ATP9B: variants seen among roughly 807,000 people sequenced by gnomAD.
ATP9B encodes the protein probable phospholipid-transporting ATPase IIB.
In ATP9B, 110 loss-of-function variants were observed where a neutral mutation model predicts 146.1. The ratio of observed to expected loss-of-function variants is 0.75; its 90% confidence interval spans 0.65 to 0.88. ATP9B has a LOEUF of 0.88. Among genes scored for constraint, ATP9B ranks in the 40% least tolerant of loss-of-function variants. ATP9B has a pLI of 0.00. For missense variants in ATP9B, 1,499 were observed against 1,496.4 expected, an observed-to-expected ratio of 1.00 and a Z score of -0.03; for synonymous variants, 604 against 569.7, an observed-to-expected ratio of 1.06 and a Z score of -0.86.
At chr18:79,333,375 C>T (rs574379877) in intron 17 of ATP9B, among the ~76,000 whole-genome samples, 38 of 152,344 alleles carry the variant, frequency 2.5e-4, no homozygotes, top group Middle Eastern at 6.8e-3. Flanking sequence ...GTTCTTCTCC[C>T]TGCCATGCAG....
intron 25 of ATP9B, among the ~76,000 whole-genome samples, chr18:79,352,106 C>A (rs1373938387): frequency 6.6e-6 from 1 of 152,212 alleles, no homozygotes; most frequent in African/African-American, 2.4e-5. Context: ...CTAGTCTGAA[C>A]TGGCCAGAGG....
intron 1 of ATP9B, among the ~76,000 whole-genome samples, chr18:79,083,768 G>A (rs1189359039): frequency 6.6e-6 from 1 of 152,108 alleles, no homozygotes; most frequent in Non-Finnish European, 1.5e-5. Context: ...AGTGAGATGA[G>A]CTGGGTACCT....
chr18:79,222,933 A>G (rs2095694683), intron 11 of ATP9B, among the ~76,000 whole-genome samples: 3 of 152,248 alleles, frequency 2.0e-5, no homozygotes, highest in Admixed American at 6.5e-5. Flanking sequence ...GTTAAGGAAA[A>G]ATCAATTGTG....
intron 1 of ATP9B, among the ~76,000 whole-genome samples, chr18:79,072,741 C>T (rs886116971): frequency 2.3e-5 from 2 of 86,912 alleles, no homozygotes; most frequent in African/African-American, 3.9e-5. Flanking sequence ...TGGGCGGGGG[C>T]GCCCCCCACC....
intron 5 of ATP9B, among the ~76,000 whole-genome samples, chr18:79,137,201 AGTTTTCATAGCT>A (rs1432926593): frequency 6.6e-6 from 1 of 152,134 alleles, no homozygotes; most frequent in Non-Finnish European, 1.5e-5. Flanking sequence ...CTGGGAATAC[AGTTTTCATAGCT>A]GTTTTCATGT....
intron 1 of ATP9B, chr18:79,085,342 A>G (rs779889847): frequency 3.3e-5 from 5 of 152,222 alleles, no homozygotes; most frequent in African/African-American, 4.8e-5. Context: ...TTTGCAGGGG[A>G]CACACATCCA....
At chr18:79,245,626 G>A (rs73973028) in intron 11 of ATP9B, among the ~76,000 whole-genome samples, 175 of 98,446 alleles carry the variant, frequency 1.8e-3, no homozygotes, top group South Asian at 3.6e-3. Context: ...CTACTGACTG[G>A]GGAGGGTACC....
chr18:79,224,925 A>G (rs1402776824), intron 11 of ATP9B, among the ~76,000 whole-genome samples: 1 of 152,176 alleles, frequency 6.6e-6, no homozygotes, highest in Non-Finnish European at 1.5e-5. Context: ...CTGGGAGAAA[A>G]GGGCGACCTG....
intron 17 of ATP9B, among the ~76,000 whole-genome samples, chr18:79,331,898 T>C (rs1020268263): frequency 3.3e-5 from 5 of 152,122 alleles, no homozygotes; most frequent in African/African-American, 9.7e-5. Context: ...GACATTGTAT[T>C]GTAAAGGAAA....
chr18:79,170,158 CG>C (rs2095048363), intron 7 of ATP9B, among the ~76,000 whole-genome samples: 1 of 152,158 alleles, frequency 6.6e-6, no homozygotes, highest in African/African-American at 2.4e-5. Flanking sequence ...GAGCTGCAGC[CG>C]GCCGGTAACT....
chr18:79,132,142 A>G (rs2094386938), intron 5 of ATP9B, among the ~76,000 whole-genome samples: 1 of 144,726 alleles, frequency 6.9e-6, no homozygotes, highest in Admixed American at 6.9e-5. Context: ...TAAAATGTTG[A>G]GGAAGACCTT....
intron 11 of ATP9B, among the ~76,000 whole-genome samples, chr18:79,235,575 C>T (rs2095833662): frequency 6.6e-6 from 1 of 152,134 alleles, no homozygotes; most frequent in Non-Finnish European, 1.5e-5. Flanking sequence ...CAAAAGTGCA[C>T]ACGTTTTAAA....
intron 13 of ATP9B, among the ~76,000 whole-genome samples, chr18:79,296,923 CAG>C (rs1316402031): frequency 6.6e-6 from 1 of 150,812 alleles, no homozygotes; most frequent in African/African-American, 2.4e-5. Flanking sequence ...AGAGAGAAGA[CAG>C]AGAGATGACC....
At chr18:79,224,195 C>G (rs559376598) in intron 11 of ATP9B, among the ~76,000 whole-genome samples, 1 of 152,214 alleles carries the variant, frequency 6.6e-6, no homozygotes, top group East Asian at 1.9e-4. Context: ...TCATAATTGT[C>G]TTTATTTTTT....
chr18:79,368,312 G>T (rs1161992155), intron 26 of ATP9B, among the ~76,000 whole-genome samples: 1 of 152,236 alleles, frequency 6.6e-6, no homozygotes. Flanking sequence ...AATCACTTGA[G>T]CCTGGAAGGT....
chr18:79,251,859 C>G (rs1274137631), intron 11 of ATP9B, among the ~76,000 whole-genome samples: 1 of 152,124 alleles, frequency 6.6e-6, no homozygotes, highest in East Asian at 1.9e-4. Context: ...TTGTGTACTC[C>G]TTTTCAAAAG....
chr18:79,351,134 T>G (rs2147647758), intron 25 of ATP9B, among the ~76,000 whole-genome samples: 1 of 152,372 alleles, frequency 6.6e-6, no homozygotes, highest in East Asian at 1.9e-4. Context: ...GTTTGAACAG[T>G]GTGTTTCTTC....
chr18:79,377,058 G>A (rs1017798309), intron 29 of ATP9B, among the ~76,000 whole-genome samples, 189 bp from the exon 30 acceptor site: 9 of 152,144 alleles, frequency 5.9e-5, no homozygotes, highest in Admixed American at 1.3e-4. Flanking sequence ...AATTATGCCC[G>A]GTATGCAGGT....
At chr18:79,302,470 G>C (rs1438321061) in intron 13 of ATP9B, among the ~76,000 whole-genome samples, 7 of 152,244 alleles carry the variant, frequency 4.6e-5, no homozygotes, top group African/African-American at 1.7e-4. Flanking sequence ...CCGGGGACAA[G>C]GTGAAAGCAC....
Sources: allele counts gnomAD v4.1 joint callset (sites outside exome capture counted in the v4.1 genomes callset), GRCh38; gene constraint gnomAD v4.1.1; transcripts MANE v1.5; gene names NCBI Gene and HGNC (gene_info 2026-07-23, HGNC 2026-07-21).